Variants in CFAP299 observed in about 807,000 individuals in gnomAD.
CFAP299 encodes cilia and flagella associated protein 299.
A neutral mutation model predicts 27.0 loss-of-function variants in CFAP299; 21 were observed. That is an observed-to-expected ratio of 0.78 (90% CI 0.55 to 1.12). The LOEUF (loss-of-function observed/expected upper bound fraction) is 1.12. Among genes scored for constraint, CFAP299 ranks in the 50% most tolerant of loss-of-function variants. CFAP299 has a pLI of 0.00. For synonymous variants in CFAP299, 104 were observed against 98.1 expected, an observed-to-expected ratio of 1.06 and a Z score of -0.36; for missense variants, 310 against 276.6, an observed-to-expected ratio of 1.12 and a Z score of -0.86.
chr4:80,437,387 T>A (rs1471669661), intron 2 of CFAP299, among the ~76,000 whole-genome samples: 2 of 152,148 alleles, frequency 1.3e-5, no homozygotes, highest in African/African-American at 4.8e-5. Context: ...CCAAGACTCC[T>A]GAGTTAGAGA....
intron 2 of CFAP299, among the ~76,000 whole-genome samples, chr4:80,488,220 C>T (rs905311036): frequency 6.6e-6 from 1 of 152,176 alleles, no homozygotes; most frequent in Non-Finnish European, 1.5e-5. Flanking sequence ...TACAGCCCCC[C>T]ACTGCCGCAG....
At chr4:80,523,498 G>A (rs1221180010) in intron 2 of CFAP299, among the ~76,000 whole-genome samples, 1 of 152,122 alleles carries the variant, frequency 6.6e-6, no homozygotes, top group Non-Finnish European at 1.5e-5. Context: ...GTAACTGGGT[G>A]TGTCTGTGAG....
chr4:80,533,892 AT>A (rs920524747), intron 2 of CFAP299, among the ~76,000 whole-genome samples: 68 of 152,262 alleles, frequency 4.5e-4, no homozygotes, highest in African/African-American at 1.5e-3. Flanking sequence ...TATGATCTGG[AT>A]CTCTTATGTA....
intron 2 of CFAP299, among the ~76,000 whole-genome samples, chr4:80,507,680 C>T (rs903873795): frequency 2.6e-5 from 4 of 152,266 alleles, no homozygotes; most frequent in African/African-American, 4.8e-5. Flanking sequence ...ACCTAGAACA[C>T]GTGGATCTGA....
chr4:80,373,025 C>G (rs1724223424), intron 2 of CFAP299, among the ~76,000 whole-genome samples: 1 of 152,174 alleles, frequency 6.6e-6, no homozygotes, highest in African/African-American at 2.4e-5. Context: ...GTAGTCTACA[C>G]TTATTCTCCA....
intron 3 of CFAP299, among the ~76,000 whole-genome samples, chr4:80,687,891 CAG>C (rs1273157435): frequency 6.6e-6 from 1 of 152,186 alleles, no homozygotes; most frequent in Non-Finnish European, 1.5e-5. Context: ...ACAGGGGGGT[CAG>C]GGAGTTCCCT....
chr4:80,689,843 G>A (rs1405580491), intron 3 of CFAP299, among the ~76,000 whole-genome samples: 1 of 152,140 alleles, frequency 6.6e-6, no homozygotes, highest in Non-Finnish European at 1.5e-5. Context: ...AAAGGATGGA[G>A]GAAGGTCGAC....
chr4:80,844,413 CTGT>C (rs1731046770), intron 3 of CFAP299, among the ~76,000 whole-genome samples: 1 of 152,144 alleles, frequency 6.6e-6, no homozygotes. Flanking sequence ...TCTCCAGCAC[CTGT>C]TGTTTCCTGA....
At chr4:80,637,168 A>C (rs1396885389) in intron 3 of CFAP299, among the ~76,000 whole-genome samples, 1 of 152,172 alleles carries the variant, frequency 6.6e-6, no homozygotes, top group Non-Finnish European at 1.5e-5. Flanking sequence ...CCCACTATAT[A>C]ATGTTTAATA....
intron 1 of CFAP299, among the ~76,000 whole-genome samples, chr4:80,339,056 A>T (rs1410307197): frequency 4.6e-5 from 7 of 152,190 alleles, no homozygotes; most frequent in Non-Finnish European, 4.4e-5. Context: ...AAGTGGTTAG[A>T]TAATTTATTC....
Position 80,544,178 on chromosome 4 carries a change from C to T in CFAP299, c.243-38915C>T, listed in dbSNP as rs574345511. Reference sequence around the variant, plus strand: ...GCCAAGGGAATTTGTTACCACTACACCTGCTTTACAAGAAGTCATAAAGGG... The same window carrying T: ...GCCAAGGGAATTTGTTACCACTACATCTGCTTTACAAGAAGTCATAAAGGG... On this transcript the variant is annotated intron_variant, in intron 2 of 5. Transcript: ENST00000358105. 7.2e-5 allele frequency among the ~76,000 whole-genome samples: 11 copies of T among 152,280 alleles called. No homozygotes were observed. The South Asian group carries it at 1.5e-3, about 20-fold the overall frequency.
intron 3 of CFAP299, among the ~76,000 whole-genome samples, chr4:80,790,179 AG>A (rs1425090947): frequency 6.6e-6 from 1 of 152,040 alleles, no homozygotes; most frequent in Non-Finnish European, 1.5e-5. Flanking sequence ...GAAAACCACC[AG>A]GTCTACTTTA....
At chr4:80,652,471 G>A (rs2109971390) in intron 3 of CFAP299, among the ~76,000 whole-genome samples, 1 of 152,126 alleles carries the variant, frequency 6.6e-6, no homozygotes, top group Non-Finnish European at 1.5e-5. Context: ...ACTGGACTGG[G>A]AATGTCAAAG....
intron 2 of CFAP299, among the ~76,000 whole-genome samples, chr4:80,470,156 A>C (rs780945400): frequency 3.3e-5 from 5 of 152,274 alleles, no homozygotes; most frequent in Admixed American, 1.3e-4. Flanking sequence ...AGGAAAACCA[A>C]GAATCAGCCT....
intron 3 of CFAP299, among the ~76,000 whole-genome samples, chr4:80,631,872 CCA>C (rs1739232290): frequency 3.3e-5 from 4 of 120,400 alleles, no homozygotes; most frequent in Admixed American, 8.7e-5. Context: ...CCACCCCCCC[CCA>C]ACCAAATTCA....
chr4:80,339,730 A>G (rs930780568), intron 1 of CFAP299, among the ~76,000 whole-genome samples: 5 of 152,246 alleles, frequency 3.3e-5, no homozygotes, highest in Admixed American at 2.0e-4. Flanking sequence ...AAATCAATAT[A>G]GAAATAGTTG....
Position 80,963,572 on chromosome 4 carries a change from A to G in CFAP299, c.662A>G (p.Gln221Arg). ...ACTATCCTGACAGAACTCTACGTAC[A>G]AGCTGTCATTTTTGACCACATTTCC... is the stretch of plus-strand genomic sequence containing the variant. ...RITILTELYV[Q>R]AVIFDHISRR... Residue 221 changes from glutamine to arginine, a missense_variant, in exon 6 of 6, where the codon CAA (glutamine) becomes CGA (arginine). Physicochemically the swap from Gln to Arg is conservative, Grantham distance 43 (BLOSUM62 1). Transcript: ENST00000358105. 1 of 1,608,108 alleles carries G rather than the reference A, an allele frequency of 6.2e-7. No homozygotes were observed. Among genetic ancestry groups the G allele is most frequent in the Non-Finnish European group, 8.5e-7 (1 of 1,176,806 alleles).
rs146662534 is a variant in CFAP299 at position 80,813,426 on chromosome 4, T to G, written c.334-56567T>G. Among the ~76,000 whole-genome samples, 463 of 152,134 alleles carry G rather than the reference T, an allele frequency of 3.0e-3. 3 individuals are homozygous for G. The highest frequency in any genetic ancestry group is 0.011 in the African/African-American group (457 of 41,556). On this transcript the variant is annotated intron_variant, in intron 3 of 5. Transcript: ENST00000358105. ...AACTATATTAGATTATTCAAAACAT[T>G]TTTTGTAAAAATCAGGAGAGTTGTA... is the stretch of plus-strand genomic sequence containing the variant.
At chr4:80,794,969 G>A (rs114502807) in intron 3 of CFAP299, among the ~76,000 whole-genome samples, 1 of 152,252 alleles carries the variant, frequency 6.6e-6, no homozygotes, top group Non-Finnish European at 1.5e-5. Context: ...GGAAGCCCAT[G>A]TTGCTGAGCC....
Sources: gnomAD v4.1 joint callset for allele counts (sites outside exome capture counted in the v4.1 genomes callset) on GRCh38, gnomAD v4.1.1 for gene constraint, MANE v1.5 for transcripts, NCBI Gene and HGNC (gene_info 2026-07-23, HGNC 2026-07-21) for gene names.